Variants in DNMT3A observed in about 807,000 individuals in gnomAD.
DNMT3A encodes DNA methyltransferase 3 alpha.
Under a neutral mutation model 117.6 loss-of-function variants are expected in DNMT3A, and 267 were observed. The ratio of observed to expected loss-of-function variants is 2.27; its 90% confidence interval spans 2.05 to 2.51. The LOEUF (loss-of-function observed/expected upper bound fraction) is 2.51, where lower values mean the gene tolerates loss of function less well. DNMT3A is among the 30% of genes most tolerant of loss of function. DNMT3A has a pLI of 0.00. For synonymous variants in DNMT3A, 432 were observed against 474.8 expected (o/e 0.91, Z 1.17); for missense variants, 1,029 against 1,260.2 (o/e 0.82, Z 2.78).
intron 3 of DNMT3A, among the ~76,000 whole-genome samples, chr2:25,284,651 A>G: frequency 8.6e-6 from 1 of 115,716 alleles, no homozygotes; most frequent in Non-Finnish European, 1.9e-5. Context: ...CATCTAAAAA[A>G]AAAAAAAAAA....
chr2:25,264,432 G>T (rs774882676), intron 6 of DNMT3A, among the ~76,000 whole-genome samples: 1 of 147,038 alleles, frequency 6.8e-6, no homozygotes, highest in South Asian at 2.2e-4. Flanking sequence ...GAGCCACTGT[G>T]CTGGGCCAAA....
At chr2:25,331,847 C>T (rs575194492) in intron 1 of DNMT3A, among the ~76,000 whole-genome samples, 2 of 151,706 alleles carry the variant, frequency 1.3e-5, no homozygotes, top group East Asian at 3.9e-4. Context: ...CGCCCTCAAG[C>T]CCCAGCTACA....
At chr2:25,341,676 C>G in intron 1 of DNMT3A, 150 bp downstream of exon 1, 1 of 500,062 alleles carries the variant, frequency 2.0e-6, no homozygotes, top group Non-Finnish European at 2.6e-6. Flanking sequence ...CCTGCAGTCC[C>G]GGCCCCACGG....
intron 2 of DNMT3A, among the ~76,000 whole-genome samples, chr2:25,310,108 G>A (rs907988255): frequency 7.2e-5 from 11 of 152,222 alleles, no homozygotes; most frequent in Admixed American, 5.9e-4. Flanking sequence ...CCCGGCAGTC[G>A]GCGTTCAATG....
chr2:25,319,018 T>TC (rs2034491496), intron 1 of DNMT3A, among the ~76,000 whole-genome samples: 1 of 128,280 alleles, frequency 7.8e-6, no homozygotes, highest in Admixed American at 7.7e-5. Context: ...TCTTTCTTTC[T>TC]TTTTTTTTTT....
In DNMT3A at chr2:25,247,853, G is replaced by T; in HGVS notation, c.856-104C>A. The T allele has an allele frequency of 6.5e-7, 1 of 1,544,376 alleles. No individual in the cohort carries two copies. The highest frequency in any genetic ancestry group is 8.7e-7 in the Non-Finnish European group (1 of 1,148,478). On this transcript the variant is annotated intron_variant, in intron 7 of 22. Coordinates refer to ENST00000321117, the MANE Select transcript of DNMT3A (RefSeq NM_022552.5). This position sits in a 1 kb window ranked among gnomAD's most constrained non-coding sequence, Gnocchi z 5.6. The stretch of plus-strand genomic sequence containing the variant: ...CCCTGGGCATCTGGGGGGCAGGACA[G>T]CCAGGAGGGAGCTCCATCTGAATGA...
Position 25,240,658 on chromosome 2 carries a change from C to G in DNMT3A, c.2155G>C (p.Ala719Pro). Residue 719 changes from alanine to proline, a missense_variant, in exon 18 of 23, where the codon GCT becomes CCT. By Grantham distance (27) the Ala-to-Pro change is conservative. Coordinates refer to ENST00000321117, the MANE Select transcript of DNMT3A (RefSeq NM_022552.5). ...PCNDLSIVNP[A>P]RKGLYEGTGR... ...TACCTACCGTAGAGGCCCTTGCGAG[C>G]AGGGTTGACGATGGAGAGGTCATTG... 1 of 1,614,214 alleles carries G rather than the reference C, an allele frequency of 6.2e-7. No individual in the cohort carries two copies. The highest frequency in any genetic ancestry group is 8.5e-7 in the Non-Finnish European group (1 of 1,180,034).
chr2:25,258,228 T>C (rs996966445), intron 6 of DNMT3A, among the ~76,000 whole-genome samples: 1 of 152,202 alleles, frequency 6.6e-6, no homozygotes, highest in Non-Finnish European at 1.5e-5. Context: ...AGGGTCACCA[T>C]GGCAACTGCA....
chr2:25,341,853 C>G lies in DNMT3A; in HGVS notation c.-205G>C. The stretch of plus-strand genomic sequence containing the variant: ...TATGGCCGGTGGGGTCGGGCCGGCC[C>G]GGCTGCGCGCCCTGGTGCCGCGGCG... On this transcript the variant is annotated 5_prime_UTR_variant, in exon 1 of 23. Transcript: ENST00000321117. 4.1e-6 allele frequency: 4 copies of G among 980,476 alleles called. No individual in the cohort carries two copies. The highest frequency in any genetic ancestry group is 1.0e-3 in the Middle Eastern group (2 of 1,910). The allele number at this position is 980,476 out of a possible 1,614,324, so 60.7% of individuals were successfully genotyped here. A position where few individuals can be genotyped will look rare whatever the true frequency, so the allele number is the denominator to read the frequency against.
At chr2:25,309,745 C>T (rs1261873447) in intron 2 of DNMT3A, among the ~76,000 whole-genome samples, 1 of 152,152 alleles carries the variant, frequency 6.6e-6, no homozygotes, top group Admixed American at 6.5e-5. Context: ...CTACCTTATG[C>T]GGCAATTGTA....
Position 25,299,283 on chromosome 2 carries a change from T to C in DNMT3A, c.177+856A>G, listed in dbSNP as rs550786777. On this transcript the variant is annotated intron_variant, in intron 3 of 22. Transcript: ENST00000321117. ...GCACTGGTTCCCAGAAGCCTGGCGCTGGGGCTGGCCCTGCAGCCTACATGC... is the reference window on the plus strand; with the variant it reads ...GCACTGGTTCCCAGAAGCCTGGCGCCGGGGCTGGCCCTGCAGCCTACATGC... Among the ~76,000 whole-genome samples, 16 of 152,270 alleles carry C rather than the reference T, an allele frequency of 1.1e-4. No individual in the cohort carries two copies. In the South Asian group the frequency reaches 2.5e-3, roughly 24 times the overall value.
At chr2:25,340,858 CGGCCCGGGCCCG>C (rs998704252) in intron 1 of DNMT3A, among the ~76,000 whole-genome samples, 4 of 144,026 alleles carry the variant, frequency 2.8e-5, no homozygotes, top group African/African-American at 5.1e-5. Context: ...CCGGCCCCCG[CGGCCCGGGCCCG>C]GGCCCGGGAT....
chr2:25,286,449 C>T lies in DNMT3A; in HGVS notation c.178-3738G>A, dbSNP rs188634038. 3.9e-5 allele frequency among the ~76,000 whole-genome samples: 6 copies of T among 152,352 alleles called. No homozygotes were observed. Among genetic ancestry groups the T allele is most frequent in the East Asian group, 1.9e-4 (1 of 5,184 alleles). Reference sequence around the variant, plus strand: ...GCTCACCCGCTGAAATCCCCACTCCCGCATCTGGTCCACACCATCCTCTGC... The same window carrying T: ...GCTCACCCGCTGAAATCCCCACTCCTGCATCTGGTCCACACCATCCTCTGC... On this transcript the variant is annotated intron_variant, in intron 3 of 22. Transcript: ENST00000321117. The surrounding 1 kb of genome is among the most constrained non-coding windows in gnomAD (Gnocchi z 4.3).
rs1017402045 is a variant in DNMT3A at position 25,337,566 on chromosome 2, A to T, written c.-178+4260T>A. On this transcript the variant is annotated intron_variant, in intron 1 of 22. Coordinates refer to ENST00000321117, the MANE Select transcript of DNMT3A (RefSeq NM_022552.5). This position sits in a 1 kb window ranked among gnomAD's most constrained non-coding sequence, Gnocchi z 5.0. ...TCAGAGTGCAGCTCCCTGTGACTCGAGGGCCTCAAGCTGCCTTGACACTGG... is the reference window on the plus strand; with the variant it reads ...TCAGAGTGCAGCTCCCTGTGACTCGTGGGCCTCAAGCTGCCTTGACACTGG... 2.0e-5 allele frequency among the ~76,000 whole-genome samples: 3 copies of T among 152,178 alleles called. No homozygotes were observed. The highest frequency in any genetic ancestry group is 7.2e-5 in the African/African-American group (3 of 41,434).
chr2:25,259,011 C>G (rs1676387865), intron 6 of DNMT3A, among the ~76,000 whole-genome samples: 1 of 152,194 alleles, frequency 6.6e-6, no homozygotes, highest in Non-Finnish European at 1.5e-5. Context: ...CCCTCACCTC[C>G]CCTTCTCTCC....
Position 25,339,445 on chromosome 2 carries a change from C to A in DNMT3A, c.-178+2381G>T, listed in dbSNP as rs1460138766. Reference sequence around the variant, plus strand: ...AGGCACTGGTGCCTGGGTGGGGTAACGAGGGAAGTTTGGTCGGCCTGAATC... The same window carrying A: ...AGGCACTGGTGCCTGGGTGGGGTAAAGAGGGAAGTTTGGTCGGCCTGAATC... On this transcript the variant is annotated intron_variant, in intron 1 of 22. Transcript: ENST00000321117. The surrounding 1 kb of genome is among the most constrained non-coding windows in gnomAD (Gnocchi z 4.9). 2.0e-5 allele frequency among the ~76,000 whole-genome samples: 3 copies of A among 152,174 alleles called. No homozygotes were observed. The highest frequency in any genetic ancestry group is 4.4e-5 in the Non-Finnish European group (3 of 68,028).
chr2:25,243,881 G>A lies in DNMT3A; in HGVS notation c.1936+17C>T, dbSNP rs1344463680. The A allele has an allele frequency of 6.4e-7, 1 of 1,551,830 alleles. No homozygotes were observed. The stretch of plus-strand genomic sequence containing the variant: ...TGGGACAAGGCGGCCAGCACCTCTT[G>A]GGCCTGCACCCCTCACCTGTAGCGA... On this transcript the variant is annotated intron_variant, in intron 16 of 22. Coordinates refer to ENST00000321117, the MANE Select transcript of DNMT3A (RefSeq NM_022552.5).
At position 25,248,051 on chromosome 2, in the gene DNMT3A, C is replaced by T. The variant is rs773312511; in HGVS notation, c.841G>A (p.Glu281Lys). ...DKNATKAGDD[E>K]PEYEDGRGFG... ...AAGCCGCTCACCTCGTACTCTGGCTCGTCATCGCCTGCTTTGGTGGCATTC... is the reference window on the plus strand; with the variant it reads ...AAGCCGCTCACCTCGTACTCTGGCTTGTCATCGCCTGCTTTGGTGGCATTC... Residue 281 changes from glutamate to lysine, a missense_variant, in exon 7 of 23, where the codon GAG becomes AAG. Coordinates refer to ENST00000321117, the MANE Select transcript of DNMT3A (RefSeq NM_022552.5). The T allele has an allele frequency of 1.9e-6, 3 of 1,612,064 alleles. No individual in the cohort carries two copies. The highest frequency in any genetic ancestry group is 2.5e-6 in the Non-Finnish European group (3 of 1,179,956).
chr2:25,271,857 G>A (rs1434974224), intron 6 of DNMT3A, among the ~76,000 whole-genome samples: 2 of 152,246 alleles, frequency 1.3e-5, no homozygotes, highest in Non-Finnish European at 2.9e-5. Flanking sequence ...GAGTGGGGAT[G>A]CAAATGCCAA....
Sources: gnomAD v4.1 joint callset for allele counts (sites outside exome capture counted in the v4.1 genomes callset) on GRCh38, gnomAD v4.1.1 for gene constraint, Gnocchi (gnomAD v3.1) non-coding constraint, MANE v1.5 for transcripts, NCBI Gene and HGNC (gene_info 2026-07-23, HGNC 2026-07-21) for gene names.